Variants in ZNF665 observed in about 807,000 individuals in gnomAD.
The protein encoded by ZNF665 is zinc finger protein 665.
In ZNF665, 6 loss-of-function variants were observed where a neutral mutation model predicts 7.9. That is an observed-to-expected ratio of 0.76 (90% CI 0.42 to 1.50). ZNF665 has a LOEUF of 1.50. ZNF665 is among the 40% of genes most tolerant of loss of function. ZNF665 has a pLI of 0.01. For missense variants in ZNF665, 819 were observed against 806.7 expected (o/e 1.02, Z -0.18); for synonymous variants, 242 against 274.5 (o/e 0.88, Z 1.17).
intron 1 of ZNF665, among the ~76,000 whole-genome samples, chr19:53,184,497 C>T (rs990561272): frequency 6.6e-6 from 1 of 152,018 alleles, no homozygotes; most frequent in Admixed American, 6.6e-5. Context: ...TGTTCCACCT[C>T]CCAGCAGAGT....
chr19:53,189,391 A>T lies in ZNF665; in HGVS notation c.-46+3921T>A, dbSNP rs541700782. Among the ~76,000 whole-genome samples, 587 of 151,040 alleles carry T rather than the reference A, an allele frequency of 3.9e-3. 1 individual carries two copies. The highest frequency in any genetic ancestry group is 6.8e-3 in the Non-Finnish European group (463 of 67,840). On this transcript the variant is annotated intron_variant, in intron 1 of 3. Transcript: ENST00000396424. ...GTCTGGCTGCGCTGTTATTTATTGG[A>T]TACAAGGCAGAAGGGGCAGGGTAAA...
intron 1 of ZNF665, among the ~76,000 whole-genome samples, chr19:53,184,766 C>G (rs1338107940): frequency 6.6e-6 from 1 of 151,934 alleles, no homozygotes; most frequent in Non-Finnish European, 1.5e-5. Context: ...ACGTGGAGAC[C>G]GGTAGTGGCC....
intron 3 of ZNF665, among the ~76,000 whole-genome samples, chr19:53,174,523 G>C (rs1462748100): frequency 6.6e-6 from 1 of 152,128 alleles, no homozygotes; most frequent in African/African-American, 2.4e-5. Context: ...ACTCTGACCT[G>C]TGATCCCACC....
rs1238934133 is a variant in ZNF665, at chr19:53,162,427, T to C, written c.*2026A>G. On this transcript the variant is annotated 3_prime_UTR_variant, in exon 4 of 4. Coordinates refer to ENST00000396424, the MANE Select transcript of ZNF665 (RefSeq NM_024733.5). ...GCAAGAAATGATTCATTCATACTTA[T>C]AAAATACATCAAATTTTATTAGTTA... is the stretch of plus-strand genomic sequence containing the variant. 6.6e-6 allele frequency: 1 copy of C among 152,230 alleles called. No individual in the cohort carries two copies. Among genetic ancestry groups the C allele is most frequent in the African/African-American group, 2.4e-5 (1 of 41,460 alleles). The allele number at this position is 152,230 out of a possible 1,614,324, so 9.4% of individuals were successfully genotyped here.
Position 53,164,869 on chromosome 19 carries a change from GT to G in ZNF665, c.1620del (p.Lys540AsnfsTer46). On this transcript the variant is annotated frameshift_variant, in exon 4 of 4. Transcript: ENST00000396424. LOFTEE classifies it low-confidence loss of function (END_TRUNC). ...TTGCCGCAATCATTACATTTGTATG[GT>G]TTTTGTCCAGTATGTATTGTCTGAT... ...TIHQTIHTGQ[K>X]PYKCNDCGKV... The G allele has an allele frequency of 6.2e-7, 1 of 1,614,126 alleles. No homozygotes were observed. Among genetic ancestry groups the G allele is most frequent in the Non-Finnish European group, 8.5e-7 (1 of 1,180,040 alleles).
At chr19:53,173,712 C>G (rs2090676027) in intron 3 of ZNF665, among the ~76,000 whole-genome samples, 1 of 151,980 alleles carries the variant, frequency 6.6e-6, no homozygotes, top group African/African-American at 2.4e-5. Context: ...GTTGATGTGT[C>G]TATTTTTAAG....
At chr19:53,169,108 C>T (rs528309322) in intron 3 of ZNF665, among the ~76,000 whole-genome samples, 1 of 151,958 alleles carries the variant, frequency 6.6e-6, no homozygotes, top group Non-Finnish European at 1.5e-5. Flanking sequence ...TATAAAGACA[C>T]ACTGTTAAAA....
intron 2 of ZNF665, chr19:53,181,422 G>GA (rs879830487): frequency 1.3e-3 from 157 of 117,678 alleles, no homozygotes; most frequent in Middle Eastern, 4.8e-3. Context: ...CCTTGTATCA[G>GA]AAAAAAAAAA....
At chr19:53,171,524 A>ATATATATATATTTTTTTTTTT (rs372855271) in intron 3 of ZNF665, among the ~76,000 whole-genome samples, 1 of 69,318 alleles carries the variant, frequency 1.4e-5, no homozygotes, top group African/African-American at 5.2e-5. Flanking sequence ...ATATATATAT[A>ATATATATATATTTTTTTTTTT]TTTTTTTTTT....
At chr19:53,174,490 A>T (rs2090681577) in intron 3 of ZNF665, among the ~76,000 whole-genome samples, 1 of 152,162 alleles carries the variant, frequency 6.6e-6, no homozygotes, top group Admixed American at 6.5e-5. Context: ...GTCTAATGAG[A>T]TGCTTTCTCC....
rs769722100 is a variant in ZNF665 at position 53,165,449 on chromosome 19, T to C, written c.1041A>G (p.Lys347=). The change falls in exon 4 of 4, where the codon AAA becomes AAG. Residue 347 remains lysine, a synonymous_variant. Coordinates refer to ENST00000396424, the MANE Select transcript of ZNF665 (RefSeq NM_024733.5). ...QTIHTGEKPY[K]CNECGKVFRH... ...TGAAGACCTTGCCACATTCATTACA[T>C]TTGTAAGGTTTTTCTCCAGTGTGGA... is the stretch of plus-strand genomic sequence containing the variant. The C allele has an allele frequency of 4.3e-6, 7 of 1,613,268 alleles. No homozygotes were observed. Among genetic ancestry groups the C allele is most frequent in the Non-Finnish European group, 5.9e-6 (7 of 1,179,438 alleles).
rs554543575 is a variant in ZNF665, at chr19:53,168,121, AG to A, written c.143-1775del. Among the ~76,000 whole-genome samples, 211 of 130,968 alleles carry A rather than the reference AG, an allele frequency of 1.6e-3. 2 individuals are homozygous for A. Among genetic ancestry groups the A allele is most frequent in the African/African-American group, 5.5e-3 (191 of 34,916 alleles). 85.9% of individuals were successfully genotyped at this position (130,968 alleles called of 152,430 possible). ...AAAAGAGGAGTTCTACTTCAGAACC[AG>A]CACAGGATATAAGAACTGGAATATA... On this transcript the variant is annotated intron_variant, in intron 3 of 3. Coordinates refer to ENST00000396424, the MANE Select transcript of ZNF665 (RefSeq NM_024733.5).
intron 3 of ZNF665, among the ~76,000 whole-genome samples, chr19:53,168,251 A>T (rs2090632925): frequency 6.6e-6 from 1 of 152,150 alleles, no homozygotes; most frequent in African/African-American, 2.4e-5. Flanking sequence ...TAGTGAGTTT[A>T]GCAAGGTTGA....
intron 2 of ZNF665, among the ~76,000 whole-genome samples, chr19:53,178,488 C>T (rs2090714175): frequency 6.6e-6 from 1 of 152,092 alleles, no homozygotes; most frequent in South Asian, 2.1e-4. Context: ...CTTTGGGAGG[C>T]CAAGGCAGGC....
chr19:53,166,195 C>G lies in ZNF665; in HGVS notation c.295G>C (p.Glu99Gln), dbSNP rs763750324. 1 of 1,613,958 alleles carries G rather than the reference C, an allele frequency of 6.2e-7. No individual in the cohort carries two copies. The highest frequency in any genetic ancestry group is 1.7e-5 in the Admixed American group (1 of 60,012). Residue 99 changes from glutamate (E) to glutamine (Q), a missense_variant, in exon 4 of 4, where the codon GAG becomes CAG. Transcript: ENST00000396424. The stretch of plus-strand genomic sequence containing the variant: ...CCTTCATCATCTTTCCACTGACACT[C>G]AAAGTCGTATGTATTTTTCTGAACT... The part of the protein sequence containing the change: ...QEVQKNTYDF[E>Q]CQWKDDEGNY...
chr19:53,165,869 C>G lies in ZNF665; in HGVS notation c.621G>C (p.Gln207His), dbSNP rs768187125. The G allele has an allele frequency of 1.2e-6, 2 of 1,614,096 alleles. No homozygotes were observed. Among genetic ancestry groups the G allele is most frequent in the East Asian group, 2.2e-5 (1 of 44,878 alleles). ...TAAAGGCTTTGCCACACTTATTACACTGGTAAGGCTTCTCTCCAGTATGAA... is the reference window on the plus strand; with the variant it reads ...TAAAGGCTTTGCCACACTTATTACAGTGGTAAGGCTTCTCTCCAGTATGAA... ...KRIHTGEKPY[Q>H]CNKCGKAFTV... Residue 207 changes from glutamine to histidine, a missense_variant, in exon 4 of 4, where the codon CAG becomes CAC. Transcript: ENST00000396424.
At chr19:53,170,586 G>A (rs1367127907) in intron 3 of ZNF665, among the ~76,000 whole-genome samples, 1 of 152,108 alleles carries the variant, frequency 6.6e-6, no homozygotes, top group Non-Finnish European at 1.5e-5. Context: ...AATATCCTCG[G>A]GGTCCATCCA....
chr19:53,178,440 T>A (rs1168953079), intron 2 of ZNF665, among the ~76,000 whole-genome samples: 1 of 152,118 alleles, frequency 6.6e-6, no homozygotes, highest in Non-Finnish European at 1.5e-5. Context: ...AATAAAGAAA[T>A]TGGCCAGGCA....
Position 53,165,761 on chromosome 19 carries a change from G to A in ZNF665, c.729C>T (p.Phe243=), listed in dbSNP as rs999039041. 2.1e-5 allele frequency: 34 copies of A among 1,614,044 alleles called. No homozygotes were observed. Among genetic ancestry groups the A allele is most frequent in the African/African-American group, 2.7e-5 (2 of 74,912 alleles). ...GACCTGCAAGGTTTGAAGGTTGACT[G>A]AAGACCTTTCCACATTCATTACATT... ...PYKCNECGKV[F]SQPSNLAGHQ... The change falls in exon 4 of 4, where the codon TTC becomes TTT. Residue 243 remains phenylalanine (F), a synonymous_variant. Coordinates refer to ENST00000396424, the MANE Select transcript of ZNF665 (RefSeq NM_024733.5).
Sources: gnomAD v4.1 joint callset for allele counts (sites outside exome capture counted in the v4.1 genomes callset) on GRCh38, gnomAD v4.1.1 for gene constraint, MANE v1.5 for transcripts, NCBI Gene and HGNC (gene_info 2026-07-23, HGNC 2026-07-21) for gene names.